The following POLR3E variants were observed in gnomAD, a reference collection of about 807,000 sequenced individuals.
POLR3E encodes DNA-directed RNA polymerase III subunit RPC5.
A neutral mutation model predicts 96.6 loss-of-function variants in POLR3E; 41 were observed. The observed-to-expected ratio is 0.42, with a 90% CI of 0.33 to 0.55. The LOEUF is 0.55. Among genes scored for constraint, POLR3E ranks in the 20% least tolerant of loss-of-function variants. POLR3E has a pLI of 0.06. For missense variants in POLR3E, 849 were observed against 952.1 expected (o/e 0.89, Z 1.43); for synonymous variants, 396 against 383.6 (o/e 1.03, Z -0.38).
chr16:22,315,132 G>A lies in POLR3E; in HGVS notation c.566G>A (p.Arg189His), dbSNP rs776721416. ...GAGTCAGAGCAGGCCCGCCAGCGCCGTGTGCAGTCCTATGAGTTCCTGCAG... is the reference window on the plus strand; with the variant it reads ...GAGTCAGAGCAGGCCCGCCAGCGCCATGTGCAGTCCTATGAGTTCCTGCAG... ...RPESEQARQR[R>H]VQSYEFLQKK... Residue 189 changes from arginine (R) to histidine (H), a missense_variant, in exon 9 of 21, where the codon CGT becomes CAT. Arg to His is a conservative substitution (Grantham distance 29). Transcript: ENST00000299853. 2.2e-5 allele frequency: 35 copies of A among 1,612,960 alleles called. No individual in the cohort carries two copies. Among genetic ancestry groups the A allele is most frequent in the African/African-American group, 4.0e-5 (3 of 74,922 alleles).
intron 2 of POLR3E, among the ~76,000 whole-genome samples, chr16:22,303,549 C>A (rs1231939944): frequency 1.3e-5 from 2 of 151,930 alleles, no homozygotes; most frequent in Non-Finnish European, 2.9e-5. Flanking sequence ...GTGAGCAGGG[C>A]AGGGTCCCCT....
intron 4 of POLR3E, chr16:22,308,430 A>T (rs772305602): frequency 1.4e-5 from 8 of 573,296 alleles, no homozygotes; most frequent in Admixed American, 2.9e-5. Context: ...GAGGCTGATG[A>T]ATGAGAGAAT....
In POLR3E at chr16:22,324,651, T is replaced by C; in HGVS notation, c.1277T>C (p.Ile426Thr). The change falls in exon 16 of 21, where the codon ATC (isoleucine) becomes ACC (threonine). Residue 426 changes from isoleucine to threonine, a missense_variant. Ile to Thr is a moderately conservative substitution (Grantham distance 89). Coordinates refer to ENST00000299853, the MANE Select transcript of POLR3E (RefSeq NM_018119.4). ...CGGCAGCACATGCTGTGGACGGGTA[T>C]CCAGGCCAAGTAAGCACCCTGGGCC... is the stretch of plus-strand genomic sequence containing the variant. ...VQRQHMLWTGIQAKLEKVYNL... is the reference protein window; with the variant it reads ...VQRQHMLWTGTQAKLEKVYNL... 1 of 1,613,784 alleles carries C rather than the reference T, an allele frequency of 6.2e-7. No homozygotes were observed. Among genetic ancestry groups the C allele is most frequent in the Non-Finnish European group, 8.5e-7 (1 of 1,179,940 alleles).
intron 6 of POLR3E, 47 bp downstream of exon 6, chr16:22,309,557 G>T (rs553341807): frequency 3.2e-5 from 43 of 1,339,230 alleles, no homozygotes; most frequent in East Asian, 1.1e-4. Flanking sequence ...CATTGGGGGG[G>T]GCTGGGCAGG....
At chr16:22,299,621 C>T (rs1350542915) in intron 1 of POLR3E, among the ~76,000 whole-genome samples, 1 of 151,752 alleles carries the variant, frequency 6.6e-6, no homozygotes, top group Non-Finnish European at 1.5e-5. Context: ...ACCTTATTGG[C>T]CAGGCTTTTC....
intron 20 of POLR3E, 104 bp from the exon 21 acceptor site, chr16:22,333,540 G>T: frequency 1.2e-6 from 1 of 803,668 alleles, no homozygotes; most frequent in Non-Finnish European, 2.2e-6. Context: ...TTTCCCATTT[G>T]TATTCTATTC....
chr16:22,315,106 G>T lies in POLR3E; in HGVS notation c.540G>T (p.Pro180=). 6.2e-7 allele frequency: 1 copy of T among 1,613,426 alleles called. No homozygotes were observed. The highest frequency in any genetic ancestry group is 8.5e-7 in the Non-Finnish European group (1 of 1,179,832). The change falls in exon 9 of 21, where the codon CCG becomes CCT. Residue 180 remains proline, a synonymous_variant. Transcript: ENST00000299853. ...CACCGCAGGTGCGGTTCTCCCGGCC[G>T]GAGTCAGAGCAGGCCCGCCAGCGCC... ...VKQITVRFSR[P]ESEQARQRRV...
intron 13 of POLR3E, among the ~76,000 whole-genome samples, chr16:22,319,546 C>A (rs1297312883): frequency 6.6e-6 from 1 of 151,840 alleles, no homozygotes; most frequent in Non-Finnish European, 1.5e-5. Context: ...CTACAAGGCA[C>A]CCGCCACCAC....
At position 22,324,509 on chromosome 16, in the gene POLR3E, G is replaced by A. The variant is rs141897679; in HGVS notation, c.1135G>A (p.Ala379Thr). 209 of 1,611,468 alleles carry A rather than the reference G, an allele frequency of 1.3e-4. 3 individuals are homozygous for A. The South Asian group carries it at 1.3e-3, about 10-fold the overall frequency. Residue 379 changes from alanine (A) to threonine (T), a missense_variant, in exon 16 of 21, where the codon GCC becomes ACC. By Grantham distance (58) the Ala-to-Thr change is moderately conservative. Coordinates refer to ENST00000299853, the MANE Select transcript of POLR3E (RefSeq NM_018119.4). ...TGGGCCCCCTCCCCTCCAGCTCTGC[G>A]CCGAGGATGTGAAGGACTTCCTGGA... The part of the protein sequence containing the change: ...KEVATVTKLC[A>T]EDVKDFLEHM...
Position 22,303,136 on chromosome 16 carries a change from G to T in POLR3E, c.36+132G>T, listed in dbSNP as rs187986865. ...CTAACCCTTGCTGTTCCCTCTGCCT[G>T]GTCCCCTCTGCTGTCCCCCAGACCC... On this transcript the variant is annotated intron_variant, in intron 2 of 20. Coordinates refer to ENST00000299853, the MANE Select transcript of POLR3E (RefSeq NM_018119.4). 6.4e-5 allele frequency: 54 copies of T among 848,752 alleles called. No individual in the cohort carries two copies. In the Middle Eastern group the frequency reaches 8.2e-4, roughly 13 times the overall value. The allele number at this position is 848,752 out of a possible 1,614,324, so 52.6% of individuals were successfully genotyped here.
Position 22,334,002 on chromosome 16 carries a change from C to A in POLR3E, c.*302C>A, listed in dbSNP as rs1431487344. 1 of 323,326 alleles carries A rather than the reference C, an allele frequency of 3.1e-6. No individual in the cohort carries two copies. The highest frequency in any genetic ancestry group is 5.6e-6 in the Non-Finnish European group (1 of 177,776). 20.0% of individuals were successfully genotyped at this position (323,326 alleles called of 1,614,324 possible). A position where few individuals can be genotyped will look rare whatever the true frequency, so the allele number is the denominator to read the frequency against. On this transcript the variant is annotated 3_prime_UTR_variant, in exon 21 of 21. Coordinates refer to ENST00000299853, the MANE Select transcript of POLR3E (RefSeq NM_018119.4). ...ATTCTCATAATAAAGAGAGTGTATA[C>A]TGACATGGGCAGGATGATAAAAATC...
At chr16:22,329,402 T>G (rs1265480039) in intron 19 of POLR3E, among the ~76,000 whole-genome samples, 3 of 152,124 alleles carry the variant, frequency 2.0e-5, no homozygotes, top group African/African-American at 4.8e-5. Context: ...GTGTGTGGTG[T>G]AGTCATGGAC....
chr16:22,302,393 G>GAA (rs2048044083), intron 1 of POLR3E: 1 of 156,514 alleles, frequency 6.4e-6, no homozygotes, highest in African/African-American at 2.4e-5. Context: ...GTTGAATACA[G>GAA]GACAGAAGAG....
At position 22,332,182 on chromosome 16, in the gene POLR3E, A is replaced by G. The variant is rs1480984291; in HGVS notation, c.2067A>G (p.Leu689=). ...DLSKQEVDKV[L]KDCCVSYGGM... ...GTAAACAGGAGGTGGATAAAGTACT[A>G]AAGGTACATCCATTTTGTGCATAAC... Residue 689 remains leucine, a synonymous_variant, in exon 20 of 21, where the codon CTA becomes CTG. Transcript: ENST00000299853. 1.9e-6 allele frequency: 3 copies of G among 1,612,990 alleles called. No individual in the cohort carries two copies. Among genetic ancestry groups the G allele is most frequent in the Non-Finnish European group, 8.5e-7 (1 of 1,179,264 alleles).
chr16:22,299,175 A>AAAAAGGAGC (rs2047969250), intron 1 of POLR3E: 1 of 392,812 alleles, frequency 2.5e-6, no homozygotes, highest in South Asian at 1.8e-5. Flanking sequence ...GATATTTAAT[A>AAAAAGGAGC]AAAAGGAGCA....
At chr16:22,312,873 CAAAAAAA>C (rs1167609047) in intron 6 of POLR3E, among the ~76,000 whole-genome samples, 2 of 30,406 alleles carry the variant, frequency 6.6e-5, no homozygotes, top group Non-Finnish European at 1.4e-4. Flanking sequence ...CACTCCATCT[CAAAAAAA>C]AAAAAAAAAA....
At chr16:22,331,968 CAA>C in intron 19 of POLR3E, 90 bp from the exon 20 acceptor site, 2 of 1,351,308 alleles carry the variant, frequency 1.5e-6, no homozygotes, top group Non-Finnish European at 1.0e-6. Flanking sequence ...GACTGCAACA[CAA>C]AGTCAGGTGC....
rs2048792480 is a variant in POLR3E at position 22,333,726 on chromosome 16, C to T, written c.*26C>T. On this transcript the variant is annotated 3_prime_UTR_variant, in exon 21 of 21. Transcript: ENST00000299853. Reference sequence around the variant, plus strand: ...CAATAGTAGCAAACTACTAACCCAGCAAATCTAAGCCCAAGGAAGAAGGGC... The same window carrying T: ...CAATAGTAGCAAACTACTAACCCAGTAAATCTAAGCCCAAGGAAGAAGGGC... The T allele has an allele frequency of 2.0e-6, 3 of 1,533,138 alleles. No individual in the cohort carries two copies. Among genetic ancestry groups the T allele is most frequent in the Non-Finnish European group, 2.7e-6 (3 of 1,106,338 alleles). The allele number at this position is 1,533,138 out of a possible 1,614,324, so 95.0% of individuals were successfully genotyped here. A position where few individuals can be genotyped will look rare whatever the true frequency, so the allele number is the denominator to read the frequency against.
At position 22,322,702 on chromosome 16, in the gene POLR3E, G is replaced by A. The variant is rs1212137277; in HGVS notation, c.987-148G>A. ...CTTCTTTCCCATGTCTGTGTTCACA[G>A]ATGTGGCTCCTAAGGGGAGGTCTTG... On this transcript the variant is annotated intron_variant, in intron 13 of 20. Transcript: ENST00000299853. The surrounding 1 kb of genome is among the most constrained non-coding windows in gnomAD (Gnocchi z 5.2). 6.6e-6 allele frequency: 4 copies of A among 604,850 alleles called. No individual in the cohort carries two copies. Among genetic ancestry groups the A allele is most frequent in the Non-Finnish European group, 1.2e-5 (4 of 335,166 alleles). 37.5% of individuals were successfully genotyped at this position (604,850 alleles called of 1,614,324 possible).
Sources: gnomAD v4.1 joint callset for allele counts (sites outside exome capture counted in the v4.1 genomes callset) on GRCh38, gnomAD v4.1.1 for gene constraint, Gnocchi (gnomAD v3.1) non-coding constraint, MANE v1.5 for transcripts, NCBI Gene and HGNC (gene_info 2026-07-23, HGNC 2026-07-21) for gene names.